STK33: variants seen among roughly 807,000 people sequenced by gnomAD.
STK33 encodes the protein serine/threonine-protein kinase 33.
A neutral mutation model predicts 58.0 loss-of-function variants in STK33; 52 were observed. The observed-to-expected ratio is 0.90, with a 90% confidence interval of 0.72 to 1.13. STK33 has a LOEUF of 1.13. Among genes scored for constraint, STK33 ranks in the 50% most tolerant of loss-of-function variants. STK33 has a pLI of 0.00. For missense variants in STK33, 630 were observed against 604.2 expected (o/e 1.04, Z -0.45); for synonymous variants, 215 against 200.1 (o/e 1.07, Z -0.63).
chr11:8,507,822 T>C (rs577020177), intron 1 of STK33, among the ~76,000 whole-genome samples: 32 of 152,332 alleles, frequency 2.1e-4, no homozygotes, highest in African/African-American at 7.2e-4. Context: ...TAGTTGAGTA[T>C]TTCTCAAAAG....
At chr11:8,538,145 G>A (rs963103349) in intron 1 of STK33, among the ~76,000 whole-genome samples, 3 of 151,730 alleles carry the variant, frequency 2.0e-5, no homozygotes, top group South Asian at 2.1e-4. Context: ...CCAAGAATGC[G>A]CTGTTGCACT....
chr11:8,575,594 G>T (rs1370670230), intron 1 of STK33, among the ~76,000 whole-genome samples: 2 of 152,184 alleles, frequency 1.3e-5, no homozygotes, highest in African/African-American at 4.8e-5. Context: ...GGGGCTGGGG[G>T]AAGAGAGAAG....
At chr11:8,540,316 C>CAA (rs142768062) in intron 1 of STK33, among the ~76,000 whole-genome samples, 6 of 117,122 alleles carry the variant, frequency 5.1e-5, no homozygotes, top group Non-Finnish European at 3.7e-5. Context: ...CCCATCTCTA[C>CAA]AAAAAAAAAA....
chr11:8,531,143 T>A (rs895198141), intron 1 of STK33, among the ~76,000 whole-genome samples: 2 of 152,000 alleles, frequency 1.3e-5, no homozygotes, highest in Non-Finnish European at 2.9e-5. Context: ...ACATCTCAAA[T>A]TGTAAAATGA....
At chr11:8,590,004 G>A (rs146065889) in intron 1 of STK33, among the ~76,000 whole-genome samples, 164 of 152,274 alleles carry the variant, frequency 1.1e-3, no homozygotes, top group African/African-American at 3.2e-3. Context: ...AAACAAACTT[G>A]AAAGAATTCA....
In STK33 at chr11:8,457,323, G is replaced by T; in HGVS notation, c.697+18C>A. On this transcript the variant is annotated intron_variant, in intron 9 of 15. Transcript: ENST00000687296. Reference sequence around the variant, plus strand: ...TTAGTATTCATGGGGTCAATGAGCTGGATAACCCTCTTCTTACCATTATTG... The same window carrying T: ...TTAGTATTCATGGGGTCAATGAGCTTGATAACCCTCTTCTTACCATTATTG... The T allele has an allele frequency of 6.5e-7, 1 of 1,533,462 alleles. No homozygotes were observed. The highest frequency in any genetic ancestry group is 8.9e-7 in the Non-Finnish European group (1 of 1,125,414). The allele number at this position is 1,533,462 out of a possible 1,614,324, so 95.0% of individuals were successfully genotyped here. A position where few individuals can be genotyped will look rare whatever the true frequency, so the allele number is the denominator to read the frequency against.
chr11:8,585,856 A>G (rs1198822405), intron 1 of STK33, among the ~76,000 whole-genome samples: 1 of 152,068 alleles, frequency 6.6e-6, no homozygotes, highest in East Asian at 1.9e-4. Flanking sequence ...GGAGTTCGAG[A>G]CCAGCCTGAC....
At chr11:8,432,918 TAC>T (rs1444003303) in intron 14 of STK33, among the ~76,000 whole-genome samples, 12 of 152,178 alleles carry the variant, frequency 7.9e-5, no homozygotes, top group African/African-American at 2.9e-4. Flanking sequence ...AGACAAATGT[TAC>T]AGAGGCTCAA....
chr11:8,495,349 T>C (rs1333237073), intron 1 of STK33, among the ~76,000 whole-genome samples: 2 of 151,636 alleles, frequency 1.3e-5, no homozygotes, highest in Non-Finnish European at 2.9e-5. Flanking sequence ...TGAAAAAAAA[T>C]CTCATCATCA....
At chr11:8,543,459 T>C (rs902552068) in intron 1 of STK33, among the ~76,000 whole-genome samples, 4 of 152,198 alleles carry the variant, frequency 2.6e-5, no homozygotes, top group African/African-American at 9.6e-5. Context: ...TGGATGGAAC[T>C]GGAGATTATG....
intron 1 of STK33, among the ~76,000 whole-genome samples, chr11:8,525,117 A>G (rs1377444609): frequency 1.3e-5 from 2 of 152,178 alleles, no homozygotes; most frequent in Non-Finnish European, 2.9e-5. Flanking sequence ...GAATATGTAA[A>G]CAAATGGAAG....
At chr11:8,394,981 C>T (rs984539831) in intron 15 of STK33, among the ~76,000 whole-genome samples, 3 of 152,174 alleles carry the variant, frequency 2.0e-5, no homozygotes, top group Non-Finnish European at 4.4e-5. Context: ...CCCCCAAAGA[C>T]AACCAATATT....
At chr11:8,367,803 A>G in the STK33 span, among the ~76,000 whole-genome samples, 1 of 152,144 alleles carries the variant, frequency 6.6e-6, no homozygotes, top group Non-Finnish European at 1.5e-5. Flanking sequence ...TTGAACATAC[A>G]CTCATACATT....
At chr11:8,558,080 T>C (rs940155677) in intron 1 of STK33, among the ~76,000 whole-genome samples, 1 of 152,088 alleles carries the variant, frequency 6.6e-6, no homozygotes, top group Non-Finnish European at 1.5e-5. Context: ...AACAAGGAAC[T>C]AGAGAAGTTG....
At chr11:8,425,153 A>G (rs377387002) in intron 14 of STK33, among the ~76,000 whole-genome samples, 3 of 151,676 alleles carry the variant, frequency 2.0e-5, no homozygotes, top group East Asian at 1.9e-4. Flanking sequence ...ATCTTGAATT[A>G]ATTTTTGTAT....
intron 15 of STK33, among the ~76,000 whole-genome samples, chr11:8,395,497 G>C (rs1849178802): frequency 6.6e-6 from 1 of 152,156 alleles, no homozygotes; most frequent in Non-Finnish European, 1.5e-5. Flanking sequence ...TATGAGAACA[G>C]ACAAATACAT....
At chr11:8,469,583 G>A (rs1948575789) in intron 6 of STK33, among the ~76,000 whole-genome samples, 1 of 152,188 alleles carries the variant, frequency 6.6e-6, no homozygotes, top group Non-Finnish European at 1.5e-5. Context: ...AATCACAAAT[G>A]TTCTCAATGG....
chr11:8,528,885 C>T (rs1954280769), intron 1 of STK33, among the ~76,000 whole-genome samples: 1 of 152,150 alleles, frequency 6.6e-6, no homozygotes, highest in African/African-American at 2.4e-5. Flanking sequence ...ATAACATGTG[C>T]CAGGTAGTGT....
At position 8,564,081 on chromosome 11, in the gene STK33, T is replaced by A. The variant is rs11041991; in HGVS notation, c.-466+30002A>T. Among the ~76,000 whole-genome samples, 1,831 of 152,298 alleles carry A rather than the reference T, an allele frequency of 0.012. 103 individuals carry two copies. In the East Asian group the frequency reaches 0.19, roughly 16 times the overall value. ...ACACTTTTTCAGGAGCGGAGTGGCA[T>A]AATCAGATTTTTATTTGTAAAATAT... is the stretch of plus-strand genomic sequence containing the variant. On this transcript the variant is annotated intron_variant, in intron 1 of 15. Transcript: ENST00000687296.
Sources: gnomAD v4.1 joint callset for allele counts (sites outside exome capture counted in the v4.1 genomes callset) on GRCh38, gnomAD v4.1.1 for gene constraint, MANE v1.5 for transcripts, NCBI Gene and HGNC (gene_info 2026-07-23, HGNC 2026-07-21) for gene names.